Variants in IFIH1 observed in about 807,000 individuals in gnomAD.
IFIH1 encodes the protein interferon-induced helicase C domain-containing protein 1.
Under a neutral mutation model 107.4 loss-of-function variants are expected in IFIH1, and 125 were observed. The observed-to-expected ratio is 1.16, with a 90% CI of 1.01 to 1.35. The LOEUF is 1.35. IFIH1 is among the 40% of genes most tolerant of loss of function. The pLI is 0.00. For synonymous variants in IFIH1, 458 were observed against 413.2 expected, an observed-to-expected ratio of 1.11 and a Z score of -1.31; for missense variants, 1,333 against 1,213.7, an observed-to-expected ratio of 1.10 and a Z score of -1.46.
Position 162,272,285 on chromosome 2 carries a change from T to C in IFIH1, c.2557A>G (p.Met853Val), listed in dbSNP as rs747958389. The C allele has an allele frequency of 1.2e-6, 2 of 1,613,022 alleles. No homozygotes were observed. The highest frequency in any genetic ancestry group is 2.2e-5 in the South Asian group (2 of 90,982). Residue 853 changes from methionine to valine, a missense_variant, in exon 13 of 16, where the codon ATG becomes GTG. Physicochemically the swap from Met to Val is conservative, Grantham distance 21. Coordinates refer to ENST00000649979, the MANE Select transcript of IFIH1 (RefSeq NM_022168.4). ...HETVNDFREK[M>V]MYKAIHCVQN... Reference sequence around the variant, plus strand: ...ACACAATGTATAGCTTTATACATCATCTTCTCTCGGAAATCATTAACTGTC... The same window carrying C: ...ACACAATGTATAGCTTTATACATCACCTTCTCTCGGAAATCATTAACTGTC...
chr2:162,278,452 G>A, intron 8 of IFIH1, 124 bp from the exon 9 acceptor site: 1 of 567,394 alleles, frequency 1.8e-6, no homozygotes. Flanking sequence ...AAAGTAACAG[G>A]TTAGTGTCCC....
intron 5 of IFIH1, among the ~76,000 whole-genome samples, chr2:162,285,633 A>G (rs142237909): frequency 3.8e-3 from 580 of 152,120 alleles, no homozygotes; most frequent in Admixed American, 9.0e-3. Context: ...CCACACAACA[A>G]TGCAGTGAAT....
chr2:162,293,513 A>G, intron 4 of IFIH1, 51 bp downstream of exon 4: 1 of 1,135,592 alleles, frequency 8.8e-7, no homozygotes, highest in Non-Finnish European at 1.3e-6. Flanking sequence ...CTTCCACTAT[A>G]TGGCGTCTTA....
chr2:162,298,839 C>T (rs1683143416), intron 3 of IFIH1, among the ~76,000 whole-genome samples: 1 of 152,082 alleles, frequency 6.6e-6, no homozygotes, highest in African/African-American at 2.4e-5. Flanking sequence ...AGATTTTCCT[C>T]TCCGTGCCAG....
At chr2:162,278,094 C>G in intron 9 of IFIH1, 111 bp downstream of exon 9, 1 of 866,676 alleles carries the variant, frequency 1.2e-6, no homozygotes, top group Non-Finnish European at 1.8e-6. Flanking sequence ...CACAGAAATT[C>G]TATTTGGAAC....
chr2:162,281,422 G>A lies in IFIH1; in HGVS notation c.1430C>T (p.Pro477Leu). The change falls in exon 7 of 16, where the codon CCA becomes CTA. Residue 477 changes from proline to leucine, a missense_variant. Physicochemically the swap from Pro to Leu is moderately conservative, Grantham distance 98. Transcript: ENST00000649979. ...CAGTATCTGAGGAAGGGGAATCACT[G>A]GTTTGTTTTCTTTCTTGAGTCTATT... ...KNNRLKKENK[P>L]VIPLPQILGL... The A allele has an allele frequency of 6.2e-7, 1 of 1,612,702 alleles. No individual in the cohort carries two copies. Among genetic ancestry groups the A allele is most frequent in the Non-Finnish European group, 8.5e-7 (1 of 1,179,128 alleles).
chr2:162,279,332 T>C (rs183920868), intron 8 of IFIH1, among the ~76,000 whole-genome samples: 3 of 152,236 alleles, frequency 2.0e-5, no homozygotes, highest in Admixed American at 2.0e-4. Context: ...TCATATCATT[T>C]GATCCCAACA....
At chr2:162,279,964 C>A in intron 8 of IFIH1, 32 bp downstream of exon 8, 3 of 1,089,308 alleles carry the variant, frequency 2.8e-6, no homozygotes, top group South Asian at 1.3e-5. Context: ...GTAGTATTGT[C>A]AATCAATAGA....
In IFIH1 at chr2:162,315,985, T is replaced by G. The variant is rs565413975; in HGVS notation, c.453+1870A>C. 2.0e-5 allele frequency among the ~76,000 whole-genome samples: 3 copies of G among 152,328 alleles called. No individual in the cohort carries two copies. The East Asian group carries it at 5.8e-4, about 29-fold the overall frequency. On this transcript the variant is annotated intron_variant, in intron 1 of 15. Coordinates refer to ENST00000649979, the MANE Select transcript of IFIH1 (RefSeq NM_022168.4). ...ATCAGAGGGAGAATTTGGGTTGTTTTGGCCTTAACTGCTACCAGTACACAA... is the reference window on the plus strand; with the variant it reads ...ATCAGAGGGAGAATTTGGGTTGTTTGGGCCTTAACTGCTACCAGTACACAA...
chr2:162,305,309 C>G (rs1683262330), intron 3 of IFIH1, among the ~76,000 whole-genome samples: 1 of 152,148 alleles, frequency 6.6e-6, no homozygotes, highest in Admixed American at 6.5e-5. Context: ...GTGGCTCATG[C>G]CTGTAATCCC....
chr2:162,279,814 G>A (rs554792564), intron 8 of IFIH1, among the ~76,000 whole-genome samples, 182 bp downstream of exon 8: 5 of 151,996 alleles, frequency 3.3e-5, no homozygotes, highest in African/African-American at 4.8e-5. Context: ...ACTAAAAGAG[G>A]TCTAGAGGCG....
intron 5 of IFIH1, among the ~76,000 whole-genome samples, chr2:162,284,372 TCA>T (rs1682862416): frequency 6.6e-6 from 1 of 151,992 alleles, no homozygotes; most frequent in Admixed American, 6.6e-5. Flanking sequence ...GGACAAGGTC[TCA>T]ATCATCTTAA....
chr2:162,267,397 G>C lies in IFIH1; in HGVS notation c.2899-18C>G, dbSNP rs1690945225. The C allele has an allele frequency of 6.2e-7, 1 of 1,613,892 alleles. No individual in the cohort carries two copies. The highest frequency in any genetic ancestry group is 8.5e-7 in the Non-Finnish European group (1 of 1,179,896). Reference sequence around the variant, plus strand: ...CCCCAAGCCTGGAAAACAAAAGAGAGAGCAAGAGGAAAATTAAATGTACAT... The same window carrying C: ...CCCCAAGCCTGGAAAACAAAAGAGACAGCAAGAGGAAAATTAAATGTACAT... On this transcript the variant is annotated intron_variant, in intron 15 of 15. Transcript: ENST00000649979.
chr2:162,273,796 T>C lies in IFIH1; in HGVS notation c.2453A>G (p.Gln818Arg), dbSNP rs747095327. 5 of 1,581,562 alleles carry C rather than the reference T, an allele frequency of 3.2e-6. No individual in the cohort carries two copies. In the South Asian group the frequency reaches 5.9e-5, roughly 19 times the overall value. ...GTAAGTAGAGGTATTTGAATGTACC[T>C]GGACCATGGCTATTTCATTGGTGAC... ...GLVTNEIAMV[Q>R]ARGRARADES... is the part of the protein sequence containing the mutation. Residue 818 changes from glutamine to arginine, a missense_variant and splice_region_variant, in exon 12 of 16, where the codon CAG becomes CGG. By Grantham distance (43) the Gln-to-Arg change is conservative. Transcript: ENST00000649979.
intron 7 of IFIH1, among the ~76,000 whole-genome samples, chr2:162,281,094 C>T (rs1682798982): frequency 6.6e-6 from 1 of 151,906 alleles, no homozygotes; most frequent in Admixed American, 6.6e-5. Context: ...TCTCAACTTC[C>T]CATTAATTAT....
At chr2:162,300,144 A>T (rs1387699412) in intron 3 of IFIH1, among the ~76,000 whole-genome samples, 1 of 152,150 alleles carries the variant, frequency 6.6e-6, no homozygotes, top group Non-Finnish European at 1.5e-5. Flanking sequence ...TCATTAGAGT[A>T]TAAACTTTTT....
chr2:162,296,024 A>G (rs1576232774), intron 3 of IFIH1, among the ~76,000 whole-genome samples: 1 of 152,216 alleles, frequency 6.6e-6, no homozygotes, highest in Non-Finnish European at 1.5e-5. Context: ...ATTACTGAAA[A>G]AATACTAACA....
At chr2:162,305,551 CTGAG>C (rs1301929223) in intron 3 of IFIH1, among the ~76,000 whole-genome samples, 1 of 150,808 alleles carries the variant, frequency 6.6e-6, no homozygotes, top group Non-Finnish European at 1.5e-5. Flanking sequence ...GCCTGTGTGA[CTGAG>C]TGAGATTCCA....
At chr2:162,287,021 G>A (rs1308369427) in intron 5 of IFIH1, among the ~76,000 whole-genome samples, 1 of 151,852 alleles carries the variant, frequency 6.6e-6, no homozygotes, top group Admixed American at 6.6e-5. Flanking sequence ...ATAATATCCT[G>A]TACAAAGGGA....
Sources: allele counts gnomAD v4.1 joint callset (sites outside exome capture counted in the v4.1 genomes callset), GRCh38; gene constraint gnomAD v4.1.1; transcripts MANE v1.5; gene names NCBI Gene and HGNC (gene_info 2026-07-23, HGNC 2026-07-21).